The following PARPBP variants were observed in gnomAD, a reference collection of about 807,000 sequenced individuals.
PARPBP encodes the protein PCNA-interacting partner.
Under a neutral mutation model 50.0 loss-of-function variants are expected in PARPBP, and 52 were observed. The ratio of observed to expected loss-of-function variants is 1.04; its 90% CI spans 0.83 to 1.31. PARPBP has a LOEUF of 1.31. PARPBP is among the 50% of genes most tolerant of loss of function. The probability of loss-of-function intolerance (pLI) is 0.00; values close to 1 mark genes in which losing one functional copy is unlikely to be tolerated. For missense variants in PARPBP, 697 were observed against 672.0 expected (o/e 1.04, Z -0.41); for synonymous variants, 244 against 232.1 (o/e 1.05, Z -0.47).
intron 4 of PARPBP, among the ~76,000 whole-genome samples, chr12:102,162,441 A>G (rs1372332967): frequency 1.3e-5 from 2 of 151,904 alleles, no homozygotes; most frequent in Non-Finnish European, 2.9e-5. Flanking sequence ...TTTGGGAACA[A>G]TAAGAATTAG....
chr12:102,185,713 C>T (rs1821287410), intron 9 of PARPBP, among the ~76,000 whole-genome samples: 2 of 152,068 alleles, frequency 1.3e-5, no homozygotes, highest in Non-Finnish European at 2.9e-5. Flanking sequence ...GGCTGGAGTA[C>T]AGTGGCGTGA....
intron 9 of PARPBP, among the ~76,000 whole-genome samples, chr12:102,193,530 A>G (rs900232560): frequency 6.6e-5 from 10 of 152,024 alleles, no homozygotes; most frequent in Admixed American, 4.6e-4. Flanking sequence ...TTTATAAGCA[A>G]TAAGTTTATA....
At chr12:102,177,695 A>G (rs900238572) in intron 7 of PARPBP, among the ~76,000 whole-genome samples, 1 of 152,142 alleles carries the variant, frequency 6.6e-6, no homozygotes, top group African/African-American at 2.4e-5. Flanking sequence ...ACACATTGCC[A>G]TCATTGGTTC....
At chr12:102,136,620 T>C (rs1466693368) in intron 2 of PARPBP, among the ~76,000 whole-genome samples, 2 of 152,170 alleles carry the variant, frequency 1.3e-5, no homozygotes, top group African/African-American at 4.8e-5. Flanking sequence ...AGTGTGAAAG[T>C]TCAGACTCTG....
chr12:102,151,867 C>G (rs1395621589), intron 3 of PARPBP: 1 of 1,186,820 alleles, frequency 8.4e-7, no homozygotes. Context: ...ACTCACTGTC[C>G]AAGCTGAGAA....
intron 8 of PARPBP, among the ~76,000 whole-genome samples, chr12:102,182,162 A>G (rs989376337): frequency 6.6e-6 from 1 of 152,164 alleles, no homozygotes; most frequent in African/African-American, 2.4e-5. Flanking sequence ...AGCTAGCAAT[A>G]TGTAGAACAA....
intron 3 of PARPBP, among the ~76,000 whole-genome samples, chr12:102,149,702 T>C (rs2138779630): frequency 6.6e-6 from 1 of 152,156 alleles, no homozygotes; most frequent in East Asian, 1.9e-4. Context: ...AAAGGGAGAA[T>C]GGATATTGGC....
chr12:102,184,432 A>G (rs1337252086), intron 9 of PARPBP, among the ~76,000 whole-genome samples: 4 of 152,222 alleles, frequency 2.6e-5, no homozygotes, highest in Admixed American at 2.6e-4. Flanking sequence ...TCAACTAATT[A>G]CTACGAAACG....
At chr12:102,149,660 GAATAAA>G (rs1885921272) in intron 3 of PARPBP, among the ~76,000 whole-genome samples, 1 of 152,162 alleles carries the variant, frequency 6.6e-6, no homozygotes, top group Non-Finnish European at 1.5e-5. Flanking sequence ...TATCTTGCCA[GAATAAA>G]AACAAAAGCT....
In PARPBP at chr12:102,190,419, A is replaced by G. The variant is rs1181423394; in HGVS notation, c.1264-4893A>G. Among the ~76,000 whole-genome samples the G allele has an allele frequency of 2.0e-5, 3 of 152,262 alleles. No homozygotes were observed. In the East Asian group the frequency reaches 5.8e-4, roughly 29 times the overall value. ...GGACAAGGCTTCTCTAAAGATTTAT[A>G]CAGCTGAGGTGCAATAATATAAATG... On this transcript the variant is annotated intron_variant, in intron 9 of 10. Coordinates refer to ENST00000327680, the MANE Select transcript of PARPBP (RefSeq NM_017915.5).
intron 6 of PARPBP, among the ~76,000 whole-genome samples, chr12:102,175,236 A>G (rs1404441581): frequency 6.6e-6 from 1 of 152,210 alleles, no homozygotes; most frequent in Non-Finnish European, 1.5e-5. Context: ...ACATATAACT[A>G]AATTATTTCC....
At chr12:102,151,893 C>T (rs1163241836) in intron 3 of PARPBP, 1 of 873,690 alleles carries the variant, frequency 1.1e-6, no homozygotes, top group Non-Finnish European at 1.7e-6. Context: ...AACCAGGGAC[C>T]CAAGGAGCTT....
rs747316171 is a variant in PARPBP, at chr12:102,197,092, C to G, written c.*801C>G. On this transcript the variant is annotated 3_prime_UTR_variant, in exon 11 of 11. Coordinates refer to ENST00000327680, the MANE Select transcript of PARPBP (RefSeq NM_017915.5). ...ATTCTCAGCTGGGAAAGCTACAGAT[C>G]CTTTTAGTGCAAGATAAGGTTTTAT... The G allele has an allele frequency of 6.2e-7, 1 of 1,612,062 alleles. No individual in the cohort carries two copies. Among genetic ancestry groups the G allele is most frequent in the South Asian group, 1.1e-5 (1 of 91,036 alleles).
intron 9 of PARPBP, among the ~76,000 whole-genome samples, chr12:102,190,566 T>C (rs1297024666): frequency 6.6e-6 from 1 of 152,088 alleles, no homozygotes; most frequent in African/African-American, 2.4e-5. Flanking sequence ...CAGTCAGCTC[T>C]TGAGGCTAAA....
chr12:102,168,937 T>C (rs554159078), intron 6 of PARPBP, among the ~76,000 whole-genome samples: 1 of 152,272 alleles, frequency 6.6e-6, no homozygotes, highest in East Asian at 1.9e-4. Context: ...TTAAAGAAAA[T>C]ACTTTCCTTT....
At position 102,197,207 on chromosome 12, in the gene PARPBP, G is replaced by T. The variant is rs1023648532; in HGVS notation, c.*916G>T. 1 of 1,440,166 alleles carries T rather than the reference G, an allele frequency of 6.9e-7. No homozygotes were observed. 89.2% of individuals were successfully genotyped at this position (1,440,166 alleles called of 1,614,324 possible). ...AAGGTTGATTTGGTTTTTAGCTATC[G>T]TATTCGGAGTGGAACTATAATACAA... On this transcript the variant is annotated 3_prime_UTR_variant, in exon 11 of 11. Coordinates refer to ENST00000327680, the MANE Select transcript of PARPBP (RefSeq NM_017915.5).
At chr12:102,126,425 C>A (rs944703190) in intron 2 of PARPBP, among the ~76,000 whole-genome samples, 2 of 152,144 alleles carry the variant, frequency 1.3e-5, no homozygotes, top group Non-Finnish European at 2.9e-5. Context: ...TTTAGGTGTT[C>A]TGTACCAGGA....
chr12:102,132,598 G>T (rs1342265269), intron 2 of PARPBP, among the ~76,000 whole-genome samples: 2 of 152,118 alleles, frequency 1.3e-5, no homozygotes, highest in Non-Finnish European at 2.9e-5. Flanking sequence ...GATGCCTCCA[G>T]CTTTGTTCAT....
intron 2 of PARPBP, among the ~76,000 whole-genome samples, chr12:102,129,257 G>A (rs1882483862): frequency 6.6e-6 from 1 of 152,094 alleles, no homozygotes; most frequent in African/African-American, 2.4e-5. Context: ...AAGTAATTGA[G>A]ACTGTGGGCA....
Sources: allele counts gnomAD v4.1 joint callset (sites outside exome capture counted in the v4.1 genomes callset), GRCh38; gene constraint gnomAD v4.1.1; transcripts MANE v1.5; gene names NCBI Gene and HGNC (gene_info 2026-07-23, HGNC 2026-07-21).